The following HECW2 variants were observed in gnomAD, a reference collection of about 807,000 sequenced individuals.
HECW2 encodes the protein E3 ubiquitin-protein ligase HECW2.
In HECW2, 61 loss-of-function variants were observed where a neutral mutation model predicts 175.2. The observed-to-expected ratio is 0.35, with a 90% CI of 0.28 to 0.43. The LOEUF (loss-of-function observed/expected upper bound fraction) is 0.43. Among genes scored for constraint, HECW2 ranks in the 20% least tolerant of loss-of-function variants. The pLI, the probability that HECW2 is intolerant of heterozygous loss-of-function variation, is 1.00. For missense variants in HECW2, 1,524 were observed against 2,000.5 expected (o/e 0.76, Z 4.54); for synonymous variants, 671 against 731.0 (o/e 0.92, Z 1.32).
At chr2:196,326,003 A>G (rs373066137) in intron 5 of HECW2, among the ~76,000 whole-genome samples, 1 of 152,238 alleles carries the variant, frequency 6.6e-6, no homozygotes, top group African/African-American at 2.4e-5. Flanking sequence ...TGAGAATATC[A>G]GTTTGAATAA....
At chr2:196,272,823 T>C (rs754425868) in intron 16 of HECW2, among the ~76,000 whole-genome samples, 40 of 152,140 alleles carry the variant, frequency 2.6e-4, no homozygotes, top group Non-Finnish European at 5.3e-4. Context: ...CCCACATAAC[T>C]GTCTAAGCAA....
intron 3 of HECW2, among the ~76,000 whole-genome samples, chr2:196,338,532 C>T (rs185922632): frequency 2.0e-5 from 3 of 152,276 alleles, no homozygotes; most frequent in African/African-American, 7.2e-5. Context: ...ATTTCAAGCC[C>T]TCTCTGCAAA....
intron 10 of HECW2, among the ~76,000 whole-genome samples, chr2:196,309,699 C>T (rs1691411338): frequency 6.6e-6 from 1 of 152,060 alleles, no homozygotes; most frequent in Non-Finnish European, 1.5e-5. Context: ...AAAGAAATGA[C>T]CAATTCTTCT....
intron 2 of HECW2, among the ~76,000 whole-genome samples, chr2:196,388,663 A>G (rs1032088097): frequency 6.6e-6 from 1 of 152,190 alleles, no homozygotes; most frequent in Non-Finnish European, 1.5e-5. Flanking sequence ...ACTTCAACAT[A>G]TATCTTTTTC....
At chr2:196,355,399 G>T (rs1693328138) in intron 2 of HECW2, among the ~76,000 whole-genome samples, 1 of 152,182 alleles carries the variant, frequency 6.6e-6, no homozygotes, top group Non-Finnish European at 1.5e-5. Flanking sequence ...CTTAGCACAA[G>T]ATCCAACATT....
chr2:196,404,242 AATAGTT>A (rs1406618394), intron 2 of HECW2, among the ~76,000 whole-genome samples: 3 of 152,196 alleles, frequency 2.0e-5, no homozygotes, highest in Non-Finnish European at 4.4e-5. Flanking sequence ...CATGAACTTT[AATAGTT>A]AAAAAGCATA....
At chr2:196,582,458 C>T (rs1197528940) in intron 1 of HECW2, among the ~76,000 whole-genome samples, 1 of 152,242 alleles carries the variant, frequency 6.6e-6, no homozygotes, top group Non-Finnish European at 1.5e-5. Flanking sequence ...CACCTGCTTA[C>T]TGTTTTTACA....
intron 15 of HECW2, among the ~76,000 whole-genome samples, chr2:196,275,504 AGCACTTTGGGTG>A (rs1689912470): frequency 1.3e-5 from 2 of 152,214 alleles, no homozygotes; most frequent in South Asian, 4.1e-4. Context: ...CTATAATCCC[AGCACTTTGGGTG>A]GCCAAGGCGG....
At chr2:196,369,045 AGGGTCTGGGCTTTGAAGAGTTAGG>A (rs1372992885) in intron 2 of HECW2, among the ~76,000 whole-genome samples, 1 of 152,034 alleles carries the variant, frequency 6.6e-6, no homozygotes, top group African/African-American at 2.4e-5. Context: ...AATGTTCTTC[AGGGTCTGGGCTTTGAAGAGTTAGG>A]TATTTATTGC....
chr2:196,541,733 T>C (rs1042078425), intron 1 of HECW2, among the ~76,000 whole-genome samples: 1 of 109,464 alleles, frequency 9.1e-6, no homozygotes, highest in Non-Finnish European at 2.0e-5. Context: ...ATTTAAAGGT[T>C]TTTTTTTTTG....
chr2:196,387,782 T>C (rs184373524), intron 2 of HECW2, among the ~76,000 whole-genome samples: 3 of 152,130 alleles, frequency 2.0e-5, no homozygotes, highest in South Asian at 2.1e-4. Context: ...ACCACTGGGG[T>C]CTGTGTGGTG....
rs191496127 is a variant in HECW2 at position 196,358,028 on chromosome 2, T to C, written c.293-14264A>G. Among the ~76,000 whole-genome samples, 9 of 152,314 alleles carry C rather than the reference T, an allele frequency of 5.9e-5. No individual in the cohort carries two copies. In the East Asian group the frequency reaches 1.2e-3, roughly 20 times the overall value. ...TATATATCACACATTACAGGTGCAA[T>C]GAGAATATTACACCACTTGATACTC... On this transcript the variant is annotated intron_variant, in intron 2 of 28. Transcript: ENST00000644978.
intron 2 of HECW2, among the ~76,000 whole-genome samples, chr2:196,402,456 A>AT (rs1420074579): frequency 6.6e-6 from 1 of 152,190 alleles, no homozygotes; most frequent in African/African-American, 2.4e-5. Context: ...AATAGTGTGC[A>AT]TGGTGCACCT....
intron 21 of HECW2, among the ~76,000 whole-genome samples, chr2:196,229,301 T>C (rs1379247510): frequency 2.0e-5 from 3 of 152,050 alleles, no homozygotes; most frequent in South Asian, 2.1e-4. Context: ...TGGGCATCAT[T>C]GCATTTTTTT....
intron 1 of HECW2, among the ~76,000 whole-genome samples, chr2:196,443,877 A>T (rs781424606): frequency 2.6e-5 from 4 of 152,148 alleles, no homozygotes; most frequent in Non-Finnish European, 5.9e-5. Flanking sequence ...TCTACAAAAA[A>T]TACAAAAATT....
chr2:196,220,204 C>G (rs1305253821), intron 25 of HECW2, 51 bp from the exon 26 acceptor site: 2 of 1,179,706 alleles, frequency 1.7e-6, no homozygotes, highest in Non-Finnish European at 2.5e-6. Flanking sequence ...GGAGAAATAT[C>G]AGCTATAATT....
chr2:196,408,285 G>T (rs537482690), intron 2 of HECW2, among the ~76,000 whole-genome samples: 2 of 152,304 alleles, frequency 1.3e-5, no homozygotes, highest in African/African-American at 4.8e-5. Flanking sequence ...AACATTGAAT[G>T]AGGTATCAAG....
At chr2:196,571,555 AAAAATT>A (rs941073207) in intron 1 of HECW2, among the ~76,000 whole-genome samples, 32 of 152,202 alleles carry the variant, frequency 2.1e-4, no homozygotes, top group African/African-American at 7.7e-4. Context: ...CTAAAAATAC[AAAAATT>A]AGCCGGGTGT....
chr2:196,306,073 A>C (rs1257033994), intron 13 of HECW2, among the ~76,000 whole-genome samples: 2 of 152,112 alleles, frequency 1.3e-5, no homozygotes, highest in Non-Finnish European at 2.9e-5. Flanking sequence ...CTAAGAGGTA[A>C]TTAGGAATTA....
Sources: allele counts gnomAD v4.1 joint callset (sites outside exome capture counted in the v4.1 genomes callset), GRCh38; gene constraint gnomAD v4.1.1; transcripts MANE v1.5; gene names NCBI Gene and HGNC (gene_info 2026-07-23, HGNC 2026-07-21).